SPOPL: variants seen among roughly 807,000 people sequenced by gnomAD.
SPOPL encodes speckle type BTB/POZ protein like.
In SPOPL, 23 loss-of-function variants were observed where a neutral mutation model predicts 53.8. That is an observed-to-expected ratio of 0.43 (90% CI 0.31 to 0.61). SPOPL has a LOEUF of 0.61. Ranked by LOEUF, SPOPL falls within the 20% of genes least tolerant of loss-of-function variation. The pLI, the probability that SPOPL is intolerant of heterozygous loss-of-function variation, is 0.12. For missense variants in SPOPL, 442 were observed against 466.9 expected (o/e 0.95, Z 0.49); for synonymous variants, 164 against 149.7 (o/e 1.10, Z -0.70).
chr2:138,548,228 G>A (rs908160445), intron 1 of SPOPL, among the ~76,000 whole-genome samples: 7 of 141,054 alleles, frequency 5.0e-5, no homozygotes, highest in African/African-American at 1.9e-4. Context: ...TTGATTACAA[G>A]TGAAGGTAAA....
At chr2:138,555,505 A>G (rs1055007332) in intron 5 of SPOPL, among the ~76,000 whole-genome samples, 5 of 152,294 alleles carry the variant, frequency 3.3e-5, no homozygotes, top group East Asian at 1.9e-4. Flanking sequence ...CAAAAAGTCT[A>G]AAACTCGCTA....
chr2:138,525,554 A>T (rs1295589793), intron 1 of SPOPL, among the ~76,000 whole-genome samples: 1 of 151,674 alleles, frequency 6.6e-6, no homozygotes, highest in Non-Finnish European at 1.5e-5. Context: ...ATAGTGGTTC[A>T]CACCTGTAAT....
At chr2:138,565,099 T>A in intron 10 of SPOPL, 106 bp downstream of exon 10, 1 of 1,339,136 alleles carries the variant, frequency 7.5e-7, no homozygotes, top group Non-Finnish European at 1.0e-6. Context: ...AAATGTTACA[T>A]GAAGCAAACT....
At chr2:138,557,993 T>C (rs182963848) in intron 5 of SPOPL, among the ~76,000 whole-genome samples, 99 of 152,152 alleles carry the variant, frequency 6.5e-4, no homozygotes, top group Non-Finnish European at 1.0e-3. Context: ...ATGCCTTCTC[T>C]GCTAAAAACT....
chr2:138,542,465 A>T (rs1162374852), intron 1 of SPOPL, among the ~76,000 whole-genome samples: 1 of 152,032 alleles, frequency 6.6e-6, no homozygotes, highest in East Asian at 1.9e-4. Flanking sequence ...GTTCTTGTTG[A>T]ATTGGTCCCT....
chr2:138,514,160 C>T (rs1396691057), intron 1 of SPOPL, among the ~76,000 whole-genome samples: 2 of 152,136 alleles, frequency 1.3e-5, no homozygotes, highest in Non-Finnish European at 2.9e-5. Flanking sequence ...AGGACCTGCG[C>T]TGGGGTAACA....
At chr2:138,551,820 T>G (rs948110483) in intron 4 of SPOPL, among the ~76,000 whole-genome samples, 4 of 152,076 alleles carry the variant, frequency 2.6e-5, no homozygotes, top group African/African-American at 9.7e-5. Flanking sequence ...CTTTGTATAA[T>G]AGATAATGAA....
intron 1 of SPOPL, among the ~76,000 whole-genome samples, chr2:138,516,498 T>C (rs1343525707): frequency 6.6e-6 from 1 of 152,182 alleles, no homozygotes; most frequent in Non-Finnish European, 1.5e-5. Context: ...TGCTATAATG[T>C]TATGTGGGTG....
intron 1 of SPOPL, among the ~76,000 whole-genome samples, chr2:138,530,922 AGTGTGTGTGTGT>A (rs10673306): frequency 1.3e-4 from 19 of 147,958 alleles, no homozygotes; most frequent in African/African-American, 4.2e-4. Flanking sequence ...CTGTAGAGTG[AGTGTGTGTGTGT>A]GTGTGTGTGT....
chr2:138,520,280 G>A (rs1573873570), intron 1 of SPOPL, among the ~76,000 whole-genome samples: 1 of 152,156 alleles, frequency 6.6e-6, no homozygotes, highest in East Asian at 1.9e-4. Context: ...GCAAAACTTT[G>A]TAGGCCAGTG....
rs746856558 is a variant in SPOPL, at chr2:138,564,737, C to T, written c.867C>T (p.Cys289=). 1.9e-6 allele frequency: 3 copies of T among 1,613,916 alleles called. No homozygotes were observed. Among genetic ancestry groups the T allele is most frequent in the African/African-American group, 1.3e-5 (1 of 74,896 alleles). The change falls in exon 9 of 11, where the codon TGC becomes TGT. Residue 289 remains cysteine (C), a synonymous_variant. Coordinates refer to ENST00000280098, the MANE Select transcript of SPOPL (RefSeq NM_001001664.3). The stretch of plus-strand genomic sequence containing the variant: ...CACTGGAACGGCTGAAGGTCATGTG[C>T]GAAGAAGCTTTGTGTAGTAACCTCT... ...KYALERLKVM[C]EEALCSNLSV...
Position 138,569,292 on chromosome 2 carries a change from A to G in SPOPL, c.*212A>G. The G allele has an allele frequency of 2.0e-6, 1 of 494,302 alleles. No individual in the cohort carries two copies. The highest frequency in any genetic ancestry group is 3.6e-6 in the Non-Finnish European group (1 of 281,416). The allele number at this position is 494,302 out of a possible 1,614,324, so 30.6% of individuals were successfully genotyped here. A position where few individuals can be genotyped will look rare whatever the true frequency, so the allele number is the denominator to read the frequency against. ...TGATTAATTCACTTCAAGGCCTTAA[A>G]TTATCTTCAATGACTTGTCTTGTTC... is the stretch of plus-strand genomic sequence containing the variant. On this transcript the variant is annotated 3_prime_UTR_variant, in exon 11 of 11. Coordinates refer to ENST00000280098, the MANE Select transcript of SPOPL (RefSeq NM_001001664.3).
intron 5 of SPOPL, among the ~76,000 whole-genome samples, 191 bp downstream of exon 5, chr2:138,552,872 T>G (rs1685343349): frequency 1.3e-5 from 2 of 152,184 alleles, no homozygotes; most frequent in South Asian, 2.1e-4. Flanking sequence ...CTGGAAACAC[T>G]CTGTCATATT....
Position 138,551,060 on chromosome 2 carries a change from T to G in SPOPL, c.352+6T>G. ...GGAAGAAACAAAAGCAATGGGTAAG[T>G]GATTTGCAAACTAAGTGAAGACATT... On this transcript the variant is annotated splice_donor_region_variant and intron_variant, in intron 4 of 10. Transcript: ENST00000280098. 1 of 1,612,404 alleles carries G rather than the reference T, an allele frequency of 6.2e-7. No homozygotes were observed.
chr2:138,560,500 A>G (rs1197910171), intron 7 of SPOPL, among the ~76,000 whole-genome samples: 2 of 150,822 alleles, frequency 1.3e-5, no homozygotes, highest in African/African-American at 4.9e-5. Flanking sequence ...CTTTTTCCAC[A>G]TGGTGGTGCT....
At chr2:138,549,891 A>G (rs1436355520) in intron 1 of SPOPL, among the ~76,000 whole-genome samples, 1 of 152,100 alleles carries the variant, frequency 6.6e-6, no homozygotes, top group Non-Finnish European at 1.5e-5. Flanking sequence ...TTAAAACTAT[A>G]TGTTATTTTA....
At position 138,505,594 on chromosome 2, in the gene SPOPL, T is replaced by TG. The variant is rs1684198820; in HGVS notation, c.-61+3475_-61+3476insG. 4.0e-5 allele frequency among the ~76,000 whole-genome samples: 3 copies of TG among 75,090 alleles called. No individual in the cohort carries two copies. In the East Asian group the frequency reaches 1.3e-3, roughly 33 times the overall value. The allele number at this position is 75,090 out of a possible 152,430, so 49.3% of individuals were successfully genotyped here. The stretch of plus-strand genomic sequence containing the variant: ...CAACATGGTGAAACTGTGTCTCTTC[T>TG]AAAAAAAAAAAAAAAAAAAAAAAAA... On this transcript the variant is annotated intron_variant, in intron 1 of 10. Transcript: ENST00000280098.
intron 1 of SPOPL, among the ~76,000 whole-genome samples, chr2:138,516,380 A>T (rs1362505385): frequency 6.6e-6 from 1 of 152,198 alleles, no homozygotes; most frequent in Non-Finnish European, 1.5e-5. Context: ...ATATTGAGGG[A>T]TTAAATTGAT....
At chr2:138,516,807 A>G (rs1223526002) in intron 1 of SPOPL, among the ~76,000 whole-genome samples, 2 of 152,230 alleles carry the variant, frequency 1.3e-5, no homozygotes, top group Non-Finnish European at 2.9e-5. Flanking sequence ...ATTGCTCCAT[A>G]TTCCTTTTTT....
Sources: allele counts gnomAD v4.1 joint callset (sites outside exome capture counted in the v4.1 genomes callset), GRCh38; gene constraint gnomAD v4.1.1; transcripts MANE v1.5; gene names NCBI Gene and HGNC (gene_info 2026-07-23, HGNC 2026-07-21).